STK38: variants seen among roughly 807,000 people sequenced by gnomAD.
STK38 encodes serine/threonine kinase 38, also known as serine/threonine-protein kinase 38.
A neutral mutation model predicts 59.0 loss-of-function variants in STK38; 26 were observed. The observed-to-expected ratio is 0.44, with a 90% CI of 0.32 to 0.61. STK38 has a LOEUF of 0.61. Ranked by LOEUF, STK38 falls within the 20% of genes least tolerant of loss-of-function variation. The pLI is 0.04. For missense variants in STK38, 433 were observed against 566.0 expected (o/e 0.76, Z 2.38); for synonymous variants, 175 against 176.6 (o/e 0.99, Z 0.07).
intron 5 of STK38, among the ~76,000 whole-genome samples, chr6:36,518,551 C>T (rs1777309026): frequency 6.6e-6 from 1 of 152,128 alleles, no homozygotes; most frequent in African/African-American, 2.4e-5. Context: ...TATCAAATCC[C>T]CCCCACACAC....
At chr6:36,506,710 G>A (rs940353004) in intron 8 of STK38, 66 bp from the exon 9 acceptor site, 31 of 1,463,038 alleles carry the variant, frequency 2.1e-5, no homozygotes, top group Non-Finnish European at 2.8e-5. Context: ...TTTTTTAGTA[G>A]GCTCTTTCAA....
At chr6:36,497,138 G>A (rs1302322691) in intron 12 of STK38, among the ~76,000 whole-genome samples, 1 of 151,936 alleles carries the variant, frequency 6.6e-6, no homozygotes, top group Non-Finnish European at 1.5e-5. Context: ...CCTTGTGTAG[G>A]GCTCTGCCCT....
intron 1 of STK38, among the ~76,000 whole-genome samples, chr6:36,544,838 C>T (rs1468935124): frequency 2.0e-5 from 3 of 152,116 alleles, no homozygotes; most frequent in Non-Finnish European, 2.9e-5. Context: ...TGCCACTGCA[C>T]GCCAGCCTGG....
At chr6:36,529,983 G>A (rs746184888) in intron 2 of STK38, among the ~76,000 whole-genome samples, 1 of 152,166 alleles carries the variant, frequency 6.6e-6, no homozygotes, top group Non-Finnish European at 1.5e-5. Context: ...GCTCACACCC[G>A]TAATCCCAGC....
At chr6:36,508,049 T>A (rs1777010431) in intron 7 of STK38, among the ~76,000 whole-genome samples, 1 of 147,418 alleles carries the variant, frequency 6.8e-6, no homozygotes, top group Non-Finnish European at 1.5e-5. Flanking sequence ...TCCTCCCAAC[T>A]CAGCTTCCTG....
chr6:36,503,572 C>T (rs943701086), intron 9 of STK38, among the ~76,000 whole-genome samples: 3 of 152,052 alleles, frequency 2.0e-5, no homozygotes, highest in African/African-American at 7.2e-5. Context: ...TCATTCTAAT[C>T]ATAAAGGTAA....
intron 2 of STK38, among the ~76,000 whole-genome samples, chr6:36,538,733 A>T (rs927606855): frequency 6.6e-6 from 1 of 151,998 alleles, no homozygotes; most frequent in Non-Finnish European, 1.5e-5. Flanking sequence ...CTCTACTAAA[A>T]ATACAAAAAT....
chr6:36,517,650 T>C (rs1777287905), intron 6 of STK38, 67 bp downstream of exon 6: 3 of 1,584,780 alleles, frequency 1.9e-6, no homozygotes, highest in African/African-American at 2.7e-5. Context: ...GGAGGGTTAA[T>C]CGTGATGTGA....
intron 3 of STK38, among the ~76,000 whole-genome samples, chr6:36,524,823 G>A (rs1777471261): frequency 2.0e-5 from 3 of 152,066 alleles, no homozygotes; most frequent in Admixed American, 2.0e-4. Flanking sequence ...CTTTCCCTCT[G>A]GCTTAAACAC....
intron 2 of STK38, among the ~76,000 whole-genome samples, chr6:36,539,707 C>T (rs1346028988): frequency 6.6e-6 from 1 of 151,666 alleles, no homozygotes; most frequent in African/African-American, 2.4e-5. Flanking sequence ...TCCATTATAC[C>T]ACTCTGCCTT....
chr6:36,521,181 A>C lies in STK38; in HGVS notation c.390+553T>G, dbSNP rs1184099627. Among the ~76,000 whole-genome samples the C allele has an allele frequency of 2.0e-5, 3 of 152,184 alleles. No individual in the cohort carries two copies. The South Asian group carries it at 6.2e-4, about 31-fold the overall frequency. On this transcript the variant is annotated intron_variant, in intron 5 of 13. Transcript: ENST00000229812. The stretch of plus-strand genomic sequence containing the variant: ...AAGTATCCTTTATCATTAAAGGAGA[A>C]TTTGCATTGTTCTGTCATTTGCATT...
At chr6:36,507,808 TATC>T (rs1777003283) in intron 7 of STK38, among the ~76,000 whole-genome samples, 1 of 152,326 alleles carries the variant, frequency 6.6e-6, no homozygotes, top group South Asian at 2.1e-4. Flanking sequence ...CATTTCTGCA[TATC>T]ATCTTTGGTT....
intron 7 of STK38, among the ~76,000 whole-genome samples, chr6:36,513,825 G>A (rs1388383776): frequency 1.5e-5 from 2 of 133,734 alleles, no homozygotes; most frequent in Non-Finnish European, 1.5e-5. Context: ...GCAGCAAAGC[G>A]AGACCTCATC....
At chr6:36,543,128 G>C (rs568509041) in intron 1 of STK38, among the ~76,000 whole-genome samples, 77 of 149,646 alleles carry the variant, frequency 5.1e-4, no homozygotes, top group African/African-American at 1.7e-3. Flanking sequence ...GCAGTGGCGC[G>C]ATCTCGGCTC....
intron 10 of STK38, 84 bp from the exon 11 acceptor site, chr6:36,498,570 GT>G: frequency 7.9e-7 from 1 of 1,258,966 alleles, no homozygotes; most frequent in East Asian, 2.7e-5. Context: ...AAAATTCTAT[GT>G]CTTTTTTTTT....
At position 36,510,628 on chromosome 6, in the gene STK38, T is replaced by C. The variant is rs537945627; in HGVS notation, c.670-3026A>G. On this transcript the variant is annotated intron_variant, in intron 7 of 13. Transcript: ENST00000229812. Reference sequence around the variant, plus strand: ...TCCAGACAGGCCACCGCTGCCATTATGACCATGCTGTATTCCAATCATAAA... The same window carrying C: ...TCCAGACAGGCCACCGCTGCCATTACGACCATGCTGTATTCCAATCATAAA... 2.0e-5 allele frequency among the ~76,000 whole-genome samples: 3 copies of C among 152,120 alleles called. No homozygotes were observed. The East Asian group carries it at 5.8e-4, about 30-fold the overall frequency.
chr6:36,510,570 C>T (rs1040478149), intron 7 of STK38, among the ~76,000 whole-genome samples: 4 of 152,346 alleles, frequency 2.6e-5, no homozygotes, highest in Middle Eastern at 6.8e-3. Flanking sequence ...ACCGCACCTC[C>T]CCCACTGCAG....
chr6:36,526,881 G>C (rs1395936535), intron 2 of STK38, among the ~76,000 whole-genome samples: 1 of 149,824 alleles, frequency 6.7e-6, no homozygotes, highest in South Asian at 2.1e-4. Flanking sequence ...CTGGGTGACA[G>C]AGTGAGACCC....
At chr6:36,542,802 T>C (rs866643181) in intron 1 of STK38, among the ~76,000 whole-genome samples, 1 of 151,564 alleles carries the variant, frequency 6.6e-6, no homozygotes, top group Non-Finnish European at 1.5e-5. Context: ...AAAAATTAGC[T>C]GTGCGTGGTG....
Sources: allele counts gnomAD v4.1 joint callset (sites outside exome capture counted in the v4.1 genomes callset), GRCh38; gene constraint gnomAD v4.1.1; transcripts MANE v1.5; gene names NCBI Gene and HGNC (gene_info 2026-07-23, HGNC 2026-07-21).